The following GRIN3A variants were observed in gnomAD, a reference collection of about 807,000 sequenced individuals.
GRIN3A encodes the protein glutamate ionotropic receptor NMDA type subunit 3A.
Under a neutral mutation model 92.4 loss-of-function variants are expected in GRIN3A, and 47 were observed. That is an observed-to-expected ratio of 0.51 (90% CI 0.40 to 0.65). The LOEUF (loss-of-function observed/expected upper bound fraction) is 0.65, where lower values mean the gene tolerates loss of function less well. Ranked by LOEUF, GRIN3A falls within the 30% of genes least tolerant of loss-of-function variation. The probability of loss-of-function intolerance (pLI) is 0.00; values close to 1 mark genes in which losing one functional copy is unlikely to be tolerated. For synonymous variants in GRIN3A, 527 were observed against 540.6 expected (o/e 0.97, Z 0.35); for missense variants, 1,324 against 1,393.1 (o/e 0.95, Z 0.79).
intron 2 of GRIN3A, among the ~76,000 whole-genome samples, chr9:101,683,786 C>A (rs1266971540): frequency 6.6e-6 from 1 of 150,560 alleles, no homozygotes; most frequent in African/African-American, 2.5e-5. Flanking sequence ...TAAATAGCCA[C>A]GAGGGCAGAG....
rs547827311 is a variant in GRIN3A, at chr9:101,695,312, T to C, written c.700-8112A>G. Among the ~76,000 whole-genome samples, 26 of 152,268 alleles carry C rather than the reference T, an allele frequency of 1.7e-4. No individual in the cohort carries two copies. In the South Asian group the frequency reaches 5.4e-3, roughly 32 times the overall value. ...GCTGAGACTACAGTAGTGAAAATAATCAATACGGTCTTTTCTTTCAGGATT... is the reference window on the plus strand; with the variant it reads ...GCTGAGACTACAGTAGTGAAAATAACCAATACGGTCTTTTCTTTCAGGATT... On this transcript the variant is annotated intron_variant, in intron 1 of 8. Transcript: ENST00000361820.
intron 6 of GRIN3A, among the ~76,000 whole-genome samples, chr9:101,600,656 G>C (rs1301048048): frequency 1.3e-5 from 2 of 152,130 alleles, no homozygotes; most frequent in South Asian, 4.1e-4. Flanking sequence ...TGTGCAAAGA[G>C]GCCCTAGGGC....
At chr9:101,667,366 T>A (rs866562562) in intron 3 of GRIN3A, among the ~76,000 whole-genome samples, 47 of 152,096 alleles carry the variant, frequency 3.1e-4, no homozygotes, top group African/African-American at 1.1e-3. Context: ...ATTCTTACTA[T>A]TCTTTAAGAA....
intron 1 of GRIN3A, among the ~76,000 whole-genome samples, chr9:101,730,378 T>C (rs568590031): frequency 2.4e-4 from 37 of 152,172 alleles, no homozygotes; most frequent in Non-Finnish European, 4.3e-4. Context: ...TCTTGCCACG[T>C]CAACACTTTA....
intron 6 of GRIN3A, among the ~76,000 whole-genome samples, chr9:101,588,392 C>G (rs1294771035): frequency 6.6e-6 from 1 of 152,132 alleles, no homozygotes; most frequent in Admixed American, 6.6e-5. Context: ...TTCCTCTAAC[C>G]TGGAAACTGC....
intron 3 of GRIN3A, among the ~76,000 whole-genome samples, chr9:101,644,808 T>C (rs1828915203): frequency 6.6e-6 from 1 of 151,918 alleles, no homozygotes; most frequent in African/African-American, 2.4e-5. Flanking sequence ...TTCATCTCAC[T>C]TTCTCTATAC....
At chr9:101,710,210 A>C (rs1829861664) in intron 1 of GRIN3A, among the ~76,000 whole-genome samples, 1 of 152,070 alleles carries the variant, frequency 6.6e-6, no homozygotes. Context: ...GGTGGGTGGA[A>C]ACTGGGGAGC....
chr9:101,721,108 CAACTT>C (rs1251268202), intron 1 of GRIN3A, among the ~76,000 whole-genome samples: 1 of 152,180 alleles, frequency 6.6e-6, no homozygotes, highest in East Asian at 1.9e-4. Flanking sequence ...ACCCAAATCT[CAACTT>C]GAATTGTATC....
chr9:101,636,607 T>C (rs575017085), intron 3 of GRIN3A, among the ~76,000 whole-genome samples: 2 of 152,220 alleles, frequency 1.3e-5, no homozygotes, highest in Non-Finnish European at 2.9e-5. Flanking sequence ...ATCTCGAGTA[T>C]ATTATTCTAA....
chr9:101,726,856 A>G (rs570847445), intron 1 of GRIN3A, among the ~76,000 whole-genome samples: 4 of 152,100 alleles, frequency 2.6e-5, no homozygotes, highest in Non-Finnish European at 4.4e-5. Context: ...TGCTTGAGAA[A>G]CTGACTCAAA....
At chr9:101,663,878 T>A (rs1588272547) in intron 3 of GRIN3A, among the ~76,000 whole-genome samples, 1 of 148,856 alleles carries the variant, frequency 6.7e-6, no homozygotes, top group African/African-American at 2.5e-5. Context: ...TTTTTTTTTT[T>A]ATTAGATACT....
At chr9:101,608,309 G>T (rs778379401) in intron 6 of GRIN3A, among the ~76,000 whole-genome samples, 67 of 152,216 alleles carry the variant, frequency 4.4e-4, no homozygotes, top group South Asian at 1.0e-3. Context: ...GCCCAACATT[G>T]CCTGGACAAG....
intron 3 of GRIN3A, among the ~76,000 whole-genome samples, chr9:101,651,646 G>GTGTC (rs1442394093): frequency 2.0e-5 from 3 of 149,744 alleles, no homozygotes; most frequent in African/African-American, 7.4e-5. Context: ...TTGTGTGTGT[G>GTGTC]TGTGTGTGTG....
At chr9:101,617,507 C>G (rs1828476603) in intron 5 of GRIN3A, among the ~76,000 whole-genome samples, 1 of 152,076 alleles carries the variant, frequency 6.6e-6, no homozygotes, top group African/African-American at 2.4e-5. Context: ...TTAAATCACT[C>G]CACTCGATCA....
chr9:101,724,430 C>T (rs1830058058), intron 1 of GRIN3A, among the ~76,000 whole-genome samples: 1 of 152,164 alleles, frequency 6.6e-6, no homozygotes, highest in African/African-American at 2.4e-5. Context: ...GCCAAGCCCA[C>T]GCCCACCCAG....
chr9:101,699,024 A>T (rs781313297), intron 1 of GRIN3A, among the ~76,000 whole-genome samples: 11 of 152,220 alleles, frequency 7.2e-5, no homozygotes, highest in Non-Finnish European at 1.5e-4. Flanking sequence ...CTTTAGTTTA[A>T]TGTAACTCTA....
intron 1 of GRIN3A, among the ~76,000 whole-genome samples, chr9:101,724,280 C>T (rs535380064): frequency 2.6e-5 from 4 of 152,190 alleles, no homozygotes; most frequent in African/African-American, 4.8e-5. Flanking sequence ...AGCTAAGGCC[C>T]GGCGAGAAAT....
intron 6 of GRIN3A, chr9:101,593,522 C>T (rs756007519): frequency 1.3e-5 from 2 of 152,306 alleles, no homozygotes; most frequent in Non-Finnish European, 2.9e-5. Context: ...TCTACTGCCT[C>T]TCCTCCGTAG....
intron 1 of GRIN3A, among the ~76,000 whole-genome samples, chr9:101,704,784 A>G (rs1159573016): frequency 6.6e-6 from 1 of 152,212 alleles, no homozygotes; most frequent in African/African-American, 2.4e-5. Context: ...GGTGTATTGA[A>G]TGCATTTTTA....
Sources: gnomAD v4.1 joint callset for allele counts (sites outside exome capture counted in the v4.1 genomes callset) on GRCh38, gnomAD v4.1.1 for gene constraint, MANE v1.5 for transcripts, NCBI Gene and HGNC (gene_info 2026-07-23, HGNC 2026-07-21) for gene names.